SLC25A48: variants seen among roughly 807,000 people sequenced by gnomAD.
SLC25A48 encodes CTC-321K16.1.
SLC25A48 carries 29 observed loss-of-function variants against 32.2 expected under a neutral mutation model. The observed-to-expected ratio is 0.90, with a 90% confidence interval of 0.67 to 1.23. SLC25A48 has a LOEUF of 1.23. Among genes scored for constraint, SLC25A48 ranks in the 50% most tolerant of loss-of-function variants. The probability of loss-of-function intolerance (pLI) is 0.00; values close to 1 mark genes in which losing one functional copy is unlikely to be tolerated. For synonymous variants in SLC25A48, 164 were observed against 172.3 expected (o/e 0.95, Z 0.38); for missense variants, 399 against 422.7 (o/e 0.94, Z 0.49).
At chr5:135,622,999 G>C (rs1752361097) in intron 1 of SLC25A48, among the ~76,000 whole-genome samples, 1 of 152,164 alleles carries the variant, frequency 6.6e-6, no homozygotes, top group Non-Finnish European at 1.5e-5. Flanking sequence ...GAGCTTCTCA[G>C]AGCAGCTGAA....
chr5:135,610,299 T>C (rs1752036681), intron 1 of SLC25A48, among the ~76,000 whole-genome samples: 2 of 152,204 alleles, frequency 1.3e-5, no homozygotes, highest in Admixed American at 6.5e-5. Flanking sequence ...TGTGTTTATT[T>C]GGGCTTGAAA....
At position 135,646,678 on chromosome 5, in the gene SLC25A48, T is replaced by TATATATATATATATATAC. The variant is rs966073970; in HGVS notation, c.-521+11723_-521+11724insTATATATATATATATACA. On this transcript the variant is annotated intron_variant, in intron 3 of 10. Coordinates refer to the SLC25A48 transcript ENST00000646290. ...TTCCCATTATATATATATATATATA[T>TATATATATATATATATAC]ACAATGGGAAGGACATAATGCTAAG... is the stretch of plus-strand genomic sequence containing the variant. Among the ~76,000 whole-genome samples the TATATATATATATATATAC allele has an allele frequency of 2.2e-5, 3 of 136,772 alleles. No homozygotes were observed. In the East Asian group the frequency reaches 6.5e-4, roughly 30 times the overall value. 89.7% of individuals were successfully genotyped at this position (136,772 alleles called of 152,430 possible).
intron 4 of SLC25A48, among the ~76,000 whole-genome samples, chr5:135,817,643 T>C (rs895579485): frequency 2.0e-5 from 3 of 152,146 alleles, no homozygotes; most frequent in African/African-American, 7.2e-5. Context: ...TTAGATAGCA[T>C]ACAAAAAACA....
intron 3 of SLC25A48, among the ~76,000 whole-genome samples, chr5:135,768,159 C>A (rs1344294405): frequency 2.2e-5 from 3 of 134,352 alleles, no homozygotes; most frequent in Admixed American, 2.2e-4. Context: ...GGTGTACACC[C>A]ACTGCGATAT....
At chr5:135,837,854 T>C (rs1758661847) in intron 1 of SLC25A48, among the ~76,000 whole-genome samples, 1 of 152,220 alleles carries the variant, frequency 6.6e-6, no homozygotes, top group South Asian at 2.1e-4. Context: ...ATTAGCAGAA[T>C]AAGAATGGAC....
intron 2 of SLC25A48, among the ~76,000 whole-genome samples, chr5:135,845,052 G>C (rs1394922307): frequency 6.6e-6 from 1 of 152,174 alleles, no homozygotes; most frequent in Non-Finnish European, 1.5e-5. Context: ...CCACAAACTG[G>C]GTGGCTTAAA....
At chr5:135,864,970 A>G (rs1242719331) in intron 4 of SLC25A48, among the ~76,000 whole-genome samples, 1 of 152,244 alleles carries the variant, frequency 6.6e-6, no homozygotes, top group Admixed American at 6.5e-5. Context: ...TCCAGAATCC[A>G]GAGTCATATA....
At chr5:135,639,229 T>G (rs1752776866) in intron 3 of SLC25A48, among the ~76,000 whole-genome samples, 1 of 152,206 alleles carries the variant, frequency 6.6e-6, no homozygotes, top group African/African-American at 2.4e-5. Flanking sequence ...GGTTCTAAGA[T>G]CATCAGAAGT....
chr5:135,674,378 A>T (rs1580774866), intron 3 of SLC25A48, among the ~76,000 whole-genome samples: 1 of 151,968 alleles, frequency 6.6e-6, no homozygotes, highest in East Asian at 1.9e-4. Context: ...TACTTCTTCT[A>T]TCTAACTAAC....
intron 3 of SLC25A48, among the ~76,000 whole-genome samples, chr5:135,765,016 C>T (rs768692659): frequency 6.6e-6 from 1 of 151,500 alleles, no homozygotes; most frequent in Non-Finnish European, 1.5e-5. Context: ...TGACATTACT[C>T]CTCATATGGG....
At chr5:135,681,358 C>T (rs1307894795) in intron 3 of SLC25A48, among the ~76,000 whole-genome samples, 2 of 152,246 alleles carry the variant, frequency 1.3e-5, no homozygotes, top group African/African-American at 4.8e-5. Flanking sequence ...CTGTTAACTT[C>T]ATCCAATGTA....
intron 3 of SLC25A48, chr5:135,653,850 C>G (rs1213943749): frequency 2.2e-6 from 1 of 456,166 alleles, no homozygotes; most frequent in African/African-American, 2.0e-5. Context: ...ACCTCCAGGA[C>G]TGAGTTGTTC....
intron 1 of SLC25A48, among the ~76,000 whole-genome samples, chr5:135,619,044 G>T (rs1091384): frequency 2.6e-5 from 4 of 152,082 alleles, no homozygotes; most frequent in Admixed American, 6.5e-5. Flanking sequence ...TCTCTGGCTA[G>T]ACTTGAGATA....
intron 3 of SLC25A48, among the ~76,000 whole-genome samples, chr5:135,785,460 C>A (rs1478213708): frequency 6.6e-6 from 1 of 151,064 alleles, no homozygotes; most frequent in Non-Finnish European, 1.5e-5. Context: ...CCCCCTTTGC[C>A]CCATGGATGG....
chr5:135,586,715 C>T (rs1751374672), intron 1 of SLC25A48, among the ~76,000 whole-genome samples: 1 of 152,166 alleles, frequency 6.6e-6, no homozygotes, highest in Non-Finnish European at 1.5e-5. Context: ...GTCAAGGAAA[C>T]TGTAGGATGC....
At chr5:135,755,801 C>T (rs997132978) in intron 3 of SLC25A48, among the ~76,000 whole-genome samples, 8 of 151,410 alleles carry the variant, frequency 5.3e-5, no homozygotes, top group Non-Finnish European at 8.8e-5. Flanking sequence ...AATGAAATAT[C>T]GCTGCGACAT....
At chr5:135,828,258 ATGTGCTAACACAGACGT>A (rs1184547626) in intron 4 of SLC25A48, among the ~76,000 whole-genome samples, 1 of 152,226 alleles carries the variant, frequency 6.6e-6, no homozygotes, top group Non-Finnish European at 1.5e-5. Context: ...GGAGCTGTCC[ATGTGCTAACACAGACGT>A]GAACACTCAG....
chr5:135,672,020 C>T (rs967132266), intron 3 of SLC25A48, among the ~76,000 whole-genome samples: 15 of 152,164 alleles, frequency 9.9e-5, no homozygotes, highest in African/African-American at 3.6e-4. Context: ...TAAGCAAAGC[C>T]AACCATTAGC....
intron 3 of SLC25A48, among the ~76,000 whole-genome samples, chr5:135,771,295 A>G (rs1387257418): frequency 1.3e-5 from 2 of 151,716 alleles, no homozygotes; most frequent in Non-Finnish European, 2.9e-5. Context: ...AGGGAGGTAG[A>G]GGGTGATAAC....
Sources: allele counts gnomAD v4.1 joint callset (sites outside exome capture counted in the v4.1 genomes callset), GRCh38; gene constraint gnomAD v4.1.1; transcripts MANE v1.5; gene names NCBI Gene and HGNC (gene_info 2026-07-23, HGNC 2026-07-21).